The following SLC26A4 variants were observed in gnomAD, a reference collection of about 807,000 sequenced individuals.
SLC26A4 encodes the protein pendrin.
In SLC26A4, 93 loss-of-function variants were observed where a neutral mutation model predicts 90.4. The ratio of observed to expected loss-of-function variants is 1.03; its 90% CI spans 0.87 to 1.22. SLC26A4 has a LOEUF of 1.22. SLC26A4 is among the 50% of genes most tolerant of loss of function. The pLI, the probability that SLC26A4 is intolerant of heterozygous loss-of-function variation, is 0.00. For synonymous variants in SLC26A4, 393 were observed against 354.6 expected (o/e 1.11, Z -1.22); for missense variants, 1,127 against 946.2 (o/e 1.19, Z -2.51).
chr7:107,704,275 G>T, intron 17 of SLC26A4, 56 bp from the exon 18 acceptor site: 1 of 761,070 alleles, frequency 1.3e-6, no homozygotes. Flanking sequence ...GAATGCTACT[G>T]AATTATGGGC....
rs1562823659 is a variant in SLC26A4, at chr7:107,674,223, G to A, written c.475G>A (p.Glu159Lys). Reference protein sequence around the residue: ...GSVVLSMAPDEHFLVSSSNGT... With the variant: ...GSVVLSMAPDKHFLVSSSNGT... ...TGTTGTTCTGAGCATGGCCCCCGACGAACACTTTCTCGTATCCAGCAGCAA... is the reference window on the plus strand; with the variant it reads ...TGTTGTTCTGAGCATGGCCCCCGACAAACACTTTCTCGTATCCAGCAGCAA... The change falls in exon 5 of 21, where the codon GAA (glutamate) becomes AAA (lysine). Residue 159 changes from glutamate (E) to lysine (K), a missense_variant. Physicochemically the swap from Glu to Lys is moderately conservative, Grantham distance 56. Coordinates refer to ENST00000644269, the MANE Select transcript of SLC26A4 (RefSeq NM_000441.2). 1.1e-5 allele frequency: 17 copies of A among 1,614,024 alleles called. No individual in the cohort carries two copies. Among genetic ancestry groups the A allele is most frequent in the Non-Finnish European group, 1.4e-5 (16 of 1,180,004 alleles).
At chr7:107,715,151 C>T (rs531703701) in intron 20 of SLC26A4, among the ~76,000 whole-genome samples, 1 of 150,140 alleles carries the variant, frequency 6.7e-6, no homozygotes, top group Admixed American at 6.7e-5. Context: ...AGGAGAATTG[C>T]TTGAACCTGG....
chr7:107,701,365 A>G (rs1401665907), intron 16 of SLC26A4, among the ~76,000 whole-genome samples, 169 bp downstream of exon 16: 1 of 152,188 alleles, frequency 6.6e-6, no homozygotes, highest in Admixed American at 6.5e-5. Context: ...GCGGGAGTGG[A>G]AGGGAATGAA....
chr7:107,676,581 T>C (rs1032458002), intron 6 of SLC26A4, among the ~76,000 whole-genome samples: 1 of 152,180 alleles, frequency 6.6e-6, no homozygotes, highest in Non-Finnish European at 1.5e-5. Context: ...ATGGTGATAA[T>C]AGTAACATGA....
At chr7:107,711,634 T>C (rs1451931673) in intron 19 of SLC26A4, among the ~76,000 whole-genome samples, 1 of 152,234 alleles carries the variant, frequency 6.6e-6, no homozygotes, top group African/African-American at 2.4e-5. Context: ...TCTCAGAGTC[T>C]AGCACAAAGC....
chr7:107,712,406 AC>A, intron 19 of SLC26A4, 132 bp from the exon 20 acceptor site: 1 of 652,998 alleles, frequency 1.5e-6, no homozygotes, highest in Non-Finnish European at 2.7e-6. Context: ...ATATAAAAGA[AC>A]AATACAGCTG....
chr7:107,709,445 A>AT (rs376539363), intron 18 of SLC26A4, among the ~76,000 whole-genome samples: 79 of 152,110 alleles, frequency 5.2e-4, no homozygotes, highest in African/African-American at 1.8e-3. Context: ...TAATTTTTGT[A>AT]TTTTTTTATA....
In SLC26A4 at chr7:107,714,430, G is replaced by C. The variant is rs931057999; in HGVS notation, c.2320-993G>C. Among the ~76,000 whole-genome samples, 17 of 152,294 alleles carry C rather than the reference G, an allele frequency of 1.1e-4. No individual in the cohort carries two copies. In the East Asian group the frequency reaches 3.3e-3, roughly 29 times the overall value. ...TTTCTGTGGAGGAAATACATTGCTA[G>C]AGTGAAAATCACAGTACCTGCATCT... On this transcript the variant is annotated intron_variant, in intron 20 of 20. Transcript: ENST00000644269.
chr7:107,695,095 C>T (rs1015870540), intron 12 of SLC26A4, among the ~76,000 whole-genome samples: 2 of 152,208 alleles, frequency 1.3e-5, no homozygotes, highest in African/African-American at 4.8e-5. Flanking sequence ...CTCTGACTAA[C>T]ATAACCTTTG....
intron 13 of SLC26A4, 42 bp from the exon 14 acceptor site, chr7:107,698,000 G>A (rs746601442): frequency 9.6e-6 from 12 of 1,255,694 alleles, no homozygotes; most frequent in East Asian, 7.0e-5. Flanking sequence ...TCCAAAATAC[G>A]GCTGTTCCAA....
intron 6 of SLC26A4, among the ~76,000 whole-genome samples, chr7:107,675,803 A>C: frequency 6.6e-6 from 1 of 151,708 alleles, no homozygotes; most frequent in Non-Finnish European, 1.5e-5. Context: ...TGAACTCCTG[A>C]CCTTGTGATC....
intron 6 of SLC26A4, among the ~76,000 whole-genome samples, chr7:107,682,506 G>A (rs1791267847): frequency 6.6e-6 from 1 of 152,072 alleles, no homozygotes; most frequent in South Asian, 2.1e-4. Context: ...TTCTTTGCCA[G>A]AAAGAATGAA....
At position 107,717,462 on chromosome 7, in the gene SLC26A4, T is replaced by G. The variant is rs2129321366; in HGVS notation, c.*2016T>G. 1 of 152,644 alleles carries G rather than the reference T, an allele frequency of 6.6e-6. No homozygotes were observed. The highest frequency in any genetic ancestry group is 2.4e-5 in the African/African-American group (1 of 41,542). 9.5% of individuals were successfully genotyped at this position (152,644 alleles called of 1,614,324 possible). On this transcript the variant is annotated 3_prime_UTR_variant, in exon 21 of 21. Coordinates refer to ENST00000644269, the MANE Select transcript of SLC26A4 (RefSeq NM_000441.2). ...AATAAAGGAAATATGCACTGCTCAC[T>G]TTTTTGAAGGAAATGCCAAAGTTAC...
chr7:107,663,686 A>T (rs556846493), intron 3 of SLC26A4, among the ~76,000 whole-genome samples: 18 of 152,144 alleles, frequency 1.2e-4, no homozygotes, highest in Admixed American at 5.2e-4. Flanking sequence ...CAATTTTTTT[A>T]AATTTTATTT....
chr7:107,717,750 T>C lies in SLC26A4; in HGVS notation c.*2304T>C. On this transcript the variant is annotated 3_prime_UTR_variant, in exon 21 of 21. Coordinates refer to ENST00000644269, the MANE Select transcript of SLC26A4 (RefSeq NM_000441.2). ...GTACATTTGAAAATATTTGCACACA[T>C]TTAAAAATAAATGTAAAGTTGTCTT... is the stretch of plus-strand genomic sequence containing the variant. 1 of 152,766 alleles carries C rather than the reference T, an allele frequency of 6.5e-6. No homozygotes were observed. Among genetic ancestry groups the C allele is most frequent in the Non-Finnish European group, 1.5e-5 (1 of 68,026 alleles). 9.5% of individuals were successfully genotyped at this position (152,766 alleles called of 1,614,324 possible). A position where few individuals can be genotyped will look rare whatever the true frequency, so the allele number is the denominator to read the frequency against.
chr7:107,681,112 T>G (rs1791218270), intron 6 of SLC26A4, among the ~76,000 whole-genome samples: 1 of 152,160 alleles, frequency 6.6e-6, no homozygotes, highest in Non-Finnish European at 1.5e-5. Flanking sequence ...TGGCATCATC[T>G]TGTTTCTGTC....
At chr7:107,711,250 C>T (rs933585934) in intron 19 of SLC26A4, among the ~76,000 whole-genome samples, 1 of 151,750 alleles carries the variant, frequency 6.6e-6, no homozygotes, top group African/African-American at 2.4e-5. Flanking sequence ...AATTCTCTAA[C>T]CCATAGGTGA....
intron 8 of SLC26A4, among the ~76,000 whole-genome samples, chr7:107,685,668 A>T (rs1791377024): frequency 6.6e-6 from 1 of 152,148 alleles, no homozygotes; most frequent in African/African-American, 2.4e-5. Flanking sequence ...TGTCCAGTCA[A>T]CACCTAAGCG....
intron 18 of SLC26A4, among the ~76,000 whole-genome samples, chr7:107,705,266 C>A (rs543448312): frequency 6.6e-6 from 1 of 152,308 alleles, no homozygotes; most frequent in Non-Finnish European, 1.5e-5. Context: ...CTCAGGAGGT[C>A]ATGTGTAGCT....
Sources: allele counts gnomAD v4.1 joint callset (sites outside exome capture counted in the v4.1 genomes callset), GRCh38; gene constraint gnomAD v4.1.1; transcripts MANE v1.5; gene names NCBI Gene and HGNC (gene_info 2026-07-23, HGNC 2026-07-21).